CDH16: variants seen among roughly 807,000 people sequenced by gnomAD.
CDH16 encodes the protein cadherin 16, also known as cadherin-16.
In CDH16, 79 loss-of-function variants were observed where a neutral mutation model predicts 87.6. The observed-to-expected ratio is 0.90, with a 90% CI of 0.75 to 1.09. CDH16 has a LOEUF of 1.09. CDH16 is among the 50% of genes least tolerant of loss of function. The pLI is 0.00. For synonymous variants in CDH16, 457 were observed against 439.5 expected (o/e 1.04, Z -0.50); for missense variants, 1,124 against 1,071.7 (o/e 1.05, Z -0.68).
At position 66,909,841 on chromosome 16, in the gene CDH16, T is replaced by C; in HGVS notation, c.2275+145A>G. On this transcript the variant is annotated intron_variant, in intron 16 of 17. Coordinates refer to ENST00000299752, the MANE Select transcript of CDH16 (RefSeq NM_004062.4). The surrounding 1 kb of genome is among the most constrained non-coding windows in gnomAD (Gnocchi z 4.1). ...CTGTGCCTGTTCCTGTGTGCCCAGG[T>C]ATGTGTGCCCAGCCATAGGTGTGCA... The C allele has an allele frequency of 3.1e-6, 2 of 648,206 alleles. No individual in the cohort carries two copies. Among genetic ancestry groups the C allele is most frequent in the Non-Finnish European group, 2.7e-6 (1 of 368,640 alleles). The allele number at this position is 648,206 out of a possible 1,614,324, so 40.2% of individuals were successfully genotyped here. A position where few individuals can be genotyped will look rare whatever the true frequency, so the allele number is the denominator to read the frequency against.
In CDH16 at chr16:66,909,155, G is replaced by A. The variant is rs1183641394; in HGVS notation, c.2392+112C>T. The A allele has an allele frequency of 2.7e-6, 2 of 734,370 alleles. No homozygotes were observed. The allele number at this position is 734,370 out of a possible 1,614,324, so 45.5% of individuals were successfully genotyped here. A position where few individuals can be genotyped will look rare whatever the true frequency, so the allele number is the denominator to read the frequency against. On this transcript the variant is annotated intron_variant, in intron 17 of 17. Coordinates refer to ENST00000299752, the MANE Select transcript of CDH16 (RefSeq NM_004062.4). This position sits in a 1 kb window ranked among gnomAD's most constrained non-coding sequence, Gnocchi z 4.1. ...CGCATAATGACTAGGAGAGTTGGGG[G>A]CTTCCTTTTTCAGAGCTAGGGGCAC... is the stretch of plus-strand genomic sequence containing the variant.
Position 66,914,211 on chromosome 16 carries a change from CT to C in CDH16, c.780+4del. On this transcript the variant is annotated splice_donor_region_variant and intron_variant, in intron 7 of 17. Coordinates refer to ENST00000299752, the MANE Select transcript of CDH16 (RefSeq NM_004062.4). The stretch of plus-strand genomic sequence containing the variant: ...TGCTTCAGCCACTGACAGCCACTTA[CT>C]CACCTGGGCCATGTGGTGCGGGTAT... 1 of 1,607,482 alleles carries C rather than the reference CT, an allele frequency of 6.2e-7. No individual in the cohort carries two copies. The highest frequency in any genetic ancestry group is 8.5e-7 in the Non-Finnish European group (1 of 1,174,570).
Position 66,910,356 on chromosome 16 carries a change from T to TG in CDH16, c.2070dup (p.Lys691GlnfsTer49). The TG allele has an allele frequency of 6.2e-7, 1 of 1,613,788 alleles. No individual in the cohort carries two copies. The highest frequency in any genetic ancestry group is 8.5e-7 in the Non-Finnish European group (1 of 1,179,866). On this transcript the variant is annotated frameshift_variant, in exon 15 of 18. Coordinates refer to ENST00000299752, the MANE Select transcript of CDH16 (RefSeq NM_004062.4). LOFTEE classifies it high-confidence loss of function. The stretch of plus-strand genomic sequence containing the variant: ...TGCCCACTGGCCAGATCGGGGTCCT[T>TG]GCTGGGTCCACTCACGATCAAGCCA...
chr16:66,915,323 GTT>G lies in CDH16; in HGVS notation c.478_479del (p.Asn160LeufsTer40). 1.9e-6 allele frequency: 3 copies of G among 1,614,018 alleles called. No homozygotes were observed. Among genetic ancestry groups the G allele is most frequent in the Non-Finnish European group, 2.5e-6 (3 of 1,179,978 alleles). On this transcript the variant is annotated frameshift_variant, in exon 6 of 18. Transcript: ENST00000299752. LOFTEE classifies it high-confidence loss of function. ...ASDRDEPGTA[N>X]SDLRFHILSQ... ...TCAGGATGTGGAATCGAAGATCCGAGTTGGCTGTGCCTGGCTCATCCCGGTCT... is the reference window on the plus strand; with the variant it reads ...TCAGGATGTGGAATCGAAGATCCGAGGGCTGTGCCTGGCTCATCCCGGTCT...
chr16:66,916,417 G>C lies in CDH16; in HGVS notation c.142C>G (p.Arg48Gly). The C allele has an allele frequency of 6.2e-7, 1 of 1,601,728 alleles. No individual in the cohort carries two copies. Among genetic ancestry groups the C allele is most frequent in the African/African-American group, 1.3e-5 (1 of 74,686 alleles). The change falls in exon 4 of 18, where the codon CGT (arginine) becomes GGT (glycine). Residue 48 changes from arginine (R) to glycine (G), a missense_variant. By Grantham distance (125) the Arg-to-Gly change is moderately radical. Coordinates refer to ENST00000299752, the MANE Select transcript of CDH16 (RefSeq NM_004062.4). This position sits in a 1 kb window ranked among gnomAD's most constrained non-coding sequence, Gnocchi z 4.1. ...PLYLTKLPLP[R>G]EGAEGQIVLS... is the part of the protein sequence containing the mutation. ...ACGATCTGGCCTTCAGCCCCCTCAC[G>C]GGGCAGCGGCAACTGATGGAAATGA...
chr16:66,913,079 C>A, intron 9 of CDH16, 52 bp downstream of exon 9: 2 of 1,562,654 alleles, frequency 1.3e-6, no homozygotes, highest in Non-Finnish European at 1.7e-6. Context: ...CAGAGAAGAG[C>A]AAGACCAGGT....
At chr16:66,911,851 G>A (rs1962429726) in intron 13 of CDH16, 48 bp downstream of exon 13, 1 of 1,526,534 alleles carries the variant, frequency 6.6e-7, no homozygotes, top group Non-Finnish European at 8.8e-7. Flanking sequence ...TCATCCCCAG[G>A]GAGCAGGGGC....
At chr16:66,915,593 C>T (rs1962643488) in intron 5 of CDH16, among the ~76,000 whole-genome samples, 1 of 152,172 alleles carries the variant, frequency 6.6e-6, no homozygotes, top group East Asian at 1.9e-4. Flanking sequence ...CAAGGTGGGA[C>T]AGAAATGGTA....
chr16:66,908,523 G>T, intron 17 of CDH16, 34 bp from the exon 18 acceptor site: 1 of 1,533,792 alleles, frequency 6.5e-7, no homozygotes. Context: ...TCAGGCCTCA[G>T]AAGGGGCTGT....
At chr16:66,913,357 G>C in intron 8 of CDH16, 76 bp from the exon 9 acceptor site, 6 of 1,552,086 alleles carry the variant, frequency 3.9e-6, no homozygotes, top group Non-Finnish European at 5.2e-6. Context: ...GTTTCCTTCC[G>C]GTGGGCCAGC....
rs1166626711 is a variant in CDH16 at position 66,912,130 on chromosome 16, T to C, written c.1559A>G (p.Tyr520Cys). Residue 520 changes from tyrosine to cysteine, a missense_variant, in exon 13 of 18, where the codon TAT becomes TGT. Tyr to Cys is a radical substitution (Grantham distance 194, BLOSUM62 -2). Transcript: ENST00000299752. ...CACCTCATGACTTGGAGCTGCCTCA[T>C]AACTGAGGTTCTGGAACCAGGAGGC... Reference protein sequence around the residue: ...VRLRLCKNLSYEAAPSHEVVV... With the variant: ...VRLRLCKNLSCEAAPSHEVVV... 12 of 1,611,954 alleles carry C rather than the reference T, an allele frequency of 7.4e-6. No homozygotes were observed. Among genetic ancestry groups the C allele is most frequent in the Non-Finnish European group, 1.0e-5 (12 of 1,178,500 alleles).
At position 66,918,836 on chromosome 16, in the gene CDH16, A is replaced by T. The variant is rs563248316; in HGVS notation, c.-46T>A. The T allele has an allele frequency of 6.6e-6, 1 of 152,170 alleles. No individual in the cohort carries two copies. Among genetic ancestry groups the T allele is most frequent in the African/African-American group, 2.4e-5 (1 of 41,272 alleles). 9.4% of individuals were successfully genotyped at this position (152,170 alleles called of 1,614,324 possible). Reference sequence around the variant, plus strand: ...CGCCCAAGACTGGCTCCCTTGGTCCAGCTGCCAAGCAAGAAGAGAGCTCCT... The same window carrying T: ...CGCCCAAGACTGGCTCCCTTGGTCCTGCTGCCAAGCAAGAAGAGAGCTCCT... On this transcript the variant is annotated 5_prime_UTR_variant, in exon 1 of 18. Coordinates refer to ENST00000299752, the MANE Select transcript of CDH16 (RefSeq NM_004062.4).
intron 7 of CDH16, 35 bp downstream of exon 7, chr16:66,914,181 G>T: frequency 6.4e-7 from 1 of 1,573,470 alleles, no homozygotes; most frequent in South Asian, 1.1e-5. Context: ...CACCATCCAT[G>T]GGGCTGCTTC....
chr16:66,909,187 G>A lies in CDH16; in HGVS notation c.2392+80C>T. On this transcript the variant is annotated intron_variant, in intron 17 of 17. Coordinates refer to ENST00000299752, the MANE Select transcript of CDH16 (RefSeq NM_004062.4). The surrounding 1 kb of genome is among the most constrained non-coding windows in gnomAD (Gnocchi z 4.1). ...TTTTCAGAGCTAGGGGCACCATGGG[G>A]ACAAAGGTGTTTATTTGGAGGCTGT... The A allele has an allele frequency of 1.1e-6, 1 of 891,372 alleles. No individual in the cohort carries two copies. Among genetic ancestry groups the A allele is most frequent in the Non-Finnish European group, 1.9e-6 (1 of 527,998 alleles). The allele number at this position is 891,372 out of a possible 1,614,324, so 55.2% of individuals were successfully genotyped here. A position where few individuals can be genotyped will look rare whatever the true frequency, so the allele number is the denominator to read the frequency against.
chr16:66,910,447 A>C lies in CDH16; in HGVS notation c.1980T>G (p.Pro660=). ...GGGCAAGAGTCAGGGCTGGGGCAGG[A>C]GGGGCCTTTAGGAAGTGGATCACCA... The part of the protein sequence containing the change: ...APLVIHFLKA[P]PAPALTLAPV... Residue 660 remains proline, a synonymous_variant, in exon 15 of 18, where the codon CCT becomes CCG. Coordinates refer to ENST00000299752, the MANE Select transcript of CDH16 (RefSeq NM_004062.4). The C allele has an allele frequency of 6.3e-7, 1 of 1,575,982 alleles. No individual in the cohort carries two copies. The highest frequency in any genetic ancestry group is 8.6e-7 in the Non-Finnish European group (1 of 1,157,636).
In CDH16 at chr16:66,913,569, A is replaced by T. The variant is rs1234971305; in HGVS notation, c.825T>A (p.His275Gln). Reference sequence around the variant, plus strand: ...CATTCACTTCAAAGGGTCCCGGGGGATGGCTCTCCAGGTGATAGTGCACAT... The same window carrying T: ...CATTCACTTCAAAGGGTCCCGGGGGTTGGCTCTCCAGGTGATAGTGCACAT... ...GGDVHYHLES[H>Q]PPGPFEVNAE... Residue 275 changes from histidine to glutamine, a missense_variant, in exon 8 of 18, where the codon CAT becomes CAA. Transcript: ENST00000299752. The T allele has an allele frequency of 6.2e-7, 1 of 1,613,856 alleles. No homozygotes were observed. Among genetic ancestry groups the T allele is most frequent in the Non-Finnish European group, 8.5e-7 (1 of 1,179,944 alleles).
At position 66,909,998 on chromosome 16, in the gene CDH16, G is replaced by T. The variant is rs756206381; in HGVS notation, c.2263C>A (p.Leu755Ile). 31 of 1,604,540 alleles carry T rather than the reference G, an allele frequency of 1.9e-5. No individual in the cohort carries two copies. Among genetic ancestry groups the T allele is most frequent in the Non-Finnish European group, 2.6e-5 (31 of 1,174,652 alleles). The change falls in exon 16 of 18, where the codon CTC becomes ATC. Residue 755 changes from leucine (L) to isoleucine (I), a missense_variant. By Grantham distance (5) the Leu-to-Ile change is conservative. Transcript: ENST00000299752. This position sits in a 1 kb window ranked among gnomAD's most constrained non-coding sequence, Gnocchi z 4.1. Reference protein sequence around the residue: ...VVSHNAQMWQLLVRVIVCRCN... With the variant: ...VVSHNAQMWQILVRVIVCRCN... ...AGCCCAATCTCACCTCGAACCAGGAGCTGCCACATCTGGGCATTGTGGCTG... is the reference window on the plus strand; with the variant it reads ...AGCCCAATCTCACCTCGAACCAGGATCTGCCACATCTGGGCATTGTGGCTG...
intron 3 of CDH16, among the ~76,000 whole-genome samples, chr16:66,917,412 A>AT (rs1023765941): frequency 1.3e-5 from 2 of 152,130 alleles, no homozygotes; most frequent in African/African-American, 4.8e-5. Flanking sequence ...ATATCTCATG[A>AT]TATATATGCA....
In CDH16 at chr16:66,908,498, C is replaced by T. The variant is rs577822568; in HGVS notation, c.2393-9G>A. 1.6e-5 allele frequency: 25 copies of T among 1,610,242 alleles called. No individual in the cohort carries two copies. Among genetic ancestry groups the T allele is most frequent in the East Asian group, 4.5e-5 (2 of 44,876 alleles). On this transcript the variant is annotated splice_polypyrimidine_tract_variant and intron_variant, in intron 17 of 17. Coordinates refer to ENST00000299752, the MANE Select transcript of CDH16 (RefSeq NM_004062.4). ...GAGGATGAGGAAGATTCCTGTGGGG[C>T]CCAAGAGGGATGTATCAGGCCTCAG...
Sources: allele counts gnomAD v4.1 joint callset (sites outside exome capture counted in the v4.1 genomes callset), GRCh38; gene constraint gnomAD v4.1.1; non-coding constraint Gnocchi (gnomAD v3.1); transcripts MANE v1.5; gene names NCBI Gene and HGNC (gene_info 2026-07-23, HGNC 2026-07-21).